RBMS2: variants seen among roughly 807,000 people sequenced by gnomAD.
RBMS2 encodes RNA binding motif single stranded interacting protein 2.
RBMS2 carries 38 observed loss-of-function variants against 58.4 expected under a neutral mutation model. That is an observed-to-expected ratio of 0.65 (90% CI 0.50 to 0.85). RBMS2 has a LOEUF of 0.85. Ranked by LOEUF, RBMS2 falls within the 40% of genes least tolerant of loss-of-function variation. RBMS2 has a pLI of 0.00. For synonymous variants in RBMS2, 151 were observed against 180.7 expected (o/e 0.84, Z 1.32); for missense variants, 367 against 503.7 (o/e 0.73, Z 2.60).
intron 9 of RBMS2, among the ~76,000 whole-genome samples, chr12:56,582,748 A>C (rs936190531): frequency 6.6e-6 from 1 of 152,192 alleles, no homozygotes; most frequent in African/African-American, 2.4e-5. Flanking sequence ...GGCTCACTGC[A>C]ATCTCCGCCT....
chr12:56,527,216 A>C (rs1872809933), intron 1 of RBMS2, among the ~76,000 whole-genome samples: 1 of 152,208 alleles, frequency 6.6e-6, no homozygotes, highest in African/African-American at 2.4e-5. Context: ...GTTTCCATCA[A>C]ATCAAATGTA....
intron 5 of RBMS2, among the ~76,000 whole-genome samples, chr12:56,573,407 G>T (rs1298763609): frequency 6.6e-6 from 1 of 150,506 alleles, no homozygotes; most frequent in Non-Finnish European, 1.5e-5. Flanking sequence ...AACCCGGGAG[G>T]CGGAGGTTGC....
chr12:56,588,963 T>G lies in RBMS2; in HGVS notation c.1175T>G (p.Val392Gly), dbSNP rs780564406. Residue 392 changes from valine to glycine, a missense_variant, in exon 13 of 14, where the codon GTG becomes GGG. Physicochemically the swap from Val to Gly is moderately radical, Grantham distance 109 (BLOSUM62 -3). Around this residue, in one of 3 missense-constraint regions of RBMS2, gnomAD observed 220 missense variants for 261.1 expected, o/e 0.84. Transcript: ENST00000262031. ...ESSGQQNQVAVDAPSEHGVYS... is the reference protein window; with the variant it reads ...ESSGQQNQVAGDAPSEHGVYS... ...AGCGGCCAACAGAACCAAGTGGCAG[T>G]GGACGCACCCTCAGAGCATGGGGTC... 1.2e-6 allele frequency: 2 copies of G among 1,614,062 alleles called. No individual in the cohort carries two copies. Among genetic ancestry groups the G allele is most frequent in the Admixed American group, 3.3e-5 (2 of 60,000 alleles).
chr12:56,588,515 G>C (rs954652685), intron 12 of RBMS2, 141 bp downstream of exon 12: 15 of 762,200 alleles, frequency 2.0e-5, no homozygotes, highest in East Asian at 7.9e-5. Flanking sequence ...ACGTAGGAAG[G>C]ATGTGCTCGC....
rs1592528350 is a variant in RBMS2 at position 56,591,999 on chromosome 12, A to G, written c.*2866A>G. ...TTGGTTTACACTCATTTCCTCTCCT[A>G]ATTGTTAGTTCATTTGTAACAGTGG... is the stretch of plus-strand genomic sequence containing the variant. On this transcript the variant is annotated 3_prime_UTR_variant, in exon 14 of 14. Transcript: ENST00000262031. 6.6e-6 allele frequency: 1 copy of G among 152,090 alleles called. No individual in the cohort carries two copies. The highest frequency in any genetic ancestry group is 1.9e-4 in the East Asian group (1 of 5,198). The allele number at this position is 152,090 out of a possible 1,614,324, so 9.4% of individuals were successfully genotyped here. A position where few individuals can be genotyped will look rare whatever the true frequency, so the allele number is the denominator to read the frequency against.
intron 11 of RBMS2, among the ~76,000 whole-genome samples, chr12:56,588,022 T>C (rs1162639692): frequency 6.6e-6 from 1 of 152,094 alleles, no homozygotes; most frequent in African/African-American, 2.4e-5. Context: ...CCTTTTTGCA[T>C]AGAAAGGGCT....
chr12:56,563,054 C>T (rs1172055719), intron 2 of RBMS2, among the ~76,000 whole-genome samples: 1 of 152,074 alleles, frequency 6.6e-6, no homozygotes, highest in African/African-American at 2.4e-5. Flanking sequence ...ACCCTGGAGG[C>T]TGAGCTTGCA....
At chr12:56,561,035 C>A (rs1880290303) in intron 1 of RBMS2, among the ~76,000 whole-genome samples, 2 of 152,116 alleles carry the variant, frequency 1.3e-5, no homozygotes, top group Admixed American at 6.6e-5. Context: ...TCTGTTCCTG[C>A]ATTAGTTTGC....
intron 12 of RBMS2, chr12:56,588,607 G>A (rs1885005093): frequency 8.5e-6 from 5 of 586,148 alleles, no homozygotes; most frequent in Middle Eastern, 4.5e-4. Context: ...AATTTGTGAA[G>A]CGTTCCATAT....
chr12:56,570,164 A>C, intron 4 of RBMS2, 174 bp downstream of exon 4: 1 of 592,122 alleles, frequency 1.7e-6, no homozygotes, highest in East Asian at 3.0e-5. Context: ...AGATGTATTC[A>C]AAGTCTATGG....
intron 1 of RBMS2, among the ~76,000 whole-genome samples, chr12:56,551,935 A>G (rs927813704): frequency 9.2e-5 from 14 of 152,176 alleles, no homozygotes; most frequent in African/African-American, 3.4e-4. Flanking sequence ...TAAAAATACA[A>G]AACTTAGCCG....
chr12:56,561,093 A>T (rs1349990230), intron 1 of RBMS2, among the ~76,000 whole-genome samples: 3 of 152,176 alleles, frequency 2.0e-5, no homozygotes, highest in Non-Finnish European at 4.4e-5. Flanking sequence ...AAAGGACAGG[A>T]TCTCATTCTT....
chr12:56,535,054 C>T (rs1178584046), intron 1 of RBMS2, among the ~76,000 whole-genome samples: 1 of 152,142 alleles, frequency 6.6e-6, no homozygotes, highest in Non-Finnish European at 1.5e-5. Flanking sequence ...ATGCCACACT[C>T]TCCTGGTTTT....
In RBMS2 at chr12:56,572,899, C is replaced by A. The variant is rs1882530146; in HGVS notation, c.542+1044C>A. On this transcript the variant is annotated intron_variant, in intron 5 of 13. Coordinates refer to ENST00000262031, the MANE Select transcript of RBMS2 (RefSeq NM_002898.4). ...GATTGATTCAGATGAGTAATTTTCC[C>A]ACAGTATTCCCTATACCTGCAGTTT... The A allele has an allele frequency of 8.1e-6, 8 of 985,242 alleles. No homozygotes were observed. In the South Asian group the frequency reaches 3.3e-4, roughly 41 times the overall value. 61.0% of individuals were successfully genotyped at this position (985,242 alleles called of 1,614,324 possible). A position where few individuals can be genotyped will look rare whatever the true frequency, so the allele number is the denominator to read the frequency against.
At chr12:56,588,699 G>A (rs1486620683) in intron 12 of RBMS2, 2 of 595,164 alleles carry the variant, frequency 3.4e-6, no homozygotes, top group Non-Finnish European at 6.0e-6. Flanking sequence ...CATTTGGCCA[G>A]CCAGTAGTTG....
Position 56,576,882 on chromosome 12 carries a change from A to T in RBMS2, c.543-4302A>T, listed in dbSNP as rs191536016. The stretch of plus-strand genomic sequence containing the variant: ...ATGGTGAAACCCCGTCTCTACTAAA[A>T]ATATAAAAATTAGCTAGGTGTGTTG... On this transcript the variant is annotated intron_variant, in intron 5 of 13. Transcript: ENST00000262031. Among the ~76,000 whole-genome samples, 209 of 151,516 alleles carry T rather than the reference A, an allele frequency of 1.4e-3. 1 individual carries two copies. Among genetic ancestry groups the T allele is most frequent in the Middle Eastern group, 3.4e-3 (1 of 292 alleles).
intron 1 of RBMS2, among the ~76,000 whole-genome samples, chr12:56,531,641 C>T (rs1873743024): frequency 6.6e-6 from 1 of 151,422 alleles, no homozygotes; most frequent in Admixed American, 6.6e-5. Context: ...GCCTGGCCAA[C>T]ATAGTGAAAC....
At chr12:56,538,466 C>CTTTTTTTT (rs58534515) in intron 1 of RBMS2, among the ~76,000 whole-genome samples, 2 of 72,482 alleles carry the variant, frequency 2.8e-5, no homozygotes, top group East Asian at 4.9e-4. Flanking sequence ...GTACTGATAT[C>CTTTTTTTT]TTTTTTTTTT....
chr12:56,575,538 C>T (rs115395302), intron 5 of RBMS2, among the ~76,000 whole-genome samples: 6,943 of 151,456 alleles, frequency 0.046, 259 homozygotes, highest in African/African-American at 0.089. Flanking sequence ...CCAGCCACTT[C>T]CTAGTCCCCC....
Sources: allele counts gnomAD v4.1 joint callset (sites outside exome capture counted in the v4.1 genomes callset), GRCh38; gene constraint gnomAD v4.1.1; regional missense constraint gnomAD v4.1.1; transcripts MANE v1.5; gene names NCBI Gene and HGNC (gene_info 2026-07-23, HGNC 2026-07-21).